MAML2: variants seen among roughly 807,000 people sequenced by gnomAD.
MAML2 encodes mastermind-like protein 2.
Under a neutral mutation model 96.1 loss-of-function variants are expected in MAML2, and 22 were observed. The observed-to-expected ratio is 0.23, with a 90% CI of 0.16 to 0.33. MAML2 has a LOEUF of 0.33. MAML2 is among the 10% of genes least tolerant of loss of function. The pLI is 1.00. For synonymous variants in MAML2, 561 were observed against 521.3 expected (o/e 1.08, Z -1.04); for missense variants, 1,367 against 1,392.4 (o/e 0.98, Z 0.29).
At chr11:96,019,898 G>A (rs1858410725) in intron 2 of MAML2, among the ~76,000 whole-genome samples, 1 of 152,086 alleles carries the variant, frequency 6.6e-6, no homozygotes, top group African/African-American at 2.4e-5. Context: ...TAGTTTATAC[G>A]TTTTTCTCCA....
intron 1 of MAML2, among the ~76,000 whole-genome samples, chr11:96,296,873 C>T (rs910542622): frequency 6.6e-6 from 1 of 152,158 alleles, no homozygotes; most frequent in Non-Finnish European, 1.5e-5. Context: ...ATGTCATATC[C>T]ACTTCACAGA....
intron 2 of MAML2, among the ~76,000 whole-genome samples, chr11:95,992,912 A>G (rs1857935019): frequency 2.0e-5 from 3 of 151,350 alleles, no homozygotes. Flanking sequence ...ACAGAGTCTC[A>G]CTCTATTACC....
At chr11:96,055,649 C>T (rs988917196) in intron 2 of MAML2, among the ~76,000 whole-genome samples, 1 of 152,150 alleles carries the variant, frequency 6.6e-6, no homozygotes, top group East Asian at 1.9e-4. Flanking sequence ...GGCCCCCATC[C>T]TTTTGTGTCA....
intron 1 of MAML2, among the ~76,000 whole-genome samples, chr11:96,293,960 A>G (rs184510427): frequency 6.6e-6 from 1 of 152,252 alleles, no homozygotes; most frequent in Non-Finnish European, 1.5e-5. Context: ...TTGGCTGTTC[A>G]GGCCAGAGCT....
chr11:96,093,401 C>T lies in MAML2; in HGVS notation c.630G>A (p.Glu210=), dbSNP rs767019900. 1.2e-6 allele frequency: 2 copies of T among 1,613,910 alleles called. No individual in the cohort carries two copies. The highest frequency in any genetic ancestry group is 4.5e-5 in the East Asian group (2 of 44,900). ...FLDIKRIRVG[E]NLSAGQGGLQ... The stretch of plus-strand genomic sequence containing the variant: ...GGCCACCTTGTCCTGCAGAGAGATT[C>T]TCCCCAACACGAATTCTTTTGATAT... The change falls in exon 2 of 5, where the codon GAG becomes GAA. Residue 210 remains glutamate, a synonymous_variant. Transcript: ENST00000524717.
intron 1 of MAML2, among the ~76,000 whole-genome samples, chr11:96,164,215 T>G (rs1402128657): frequency 2.0e-5 from 3 of 152,154 alleles, no homozygotes; most frequent in Non-Finnish European, 4.4e-5. Flanking sequence ...AGGAAACAGA[T>G]GAAAGAGCAT....
At chr11:96,053,557 T>C (rs1011096118) in intron 2 of MAML2, among the ~76,000 whole-genome samples, 3 of 151,870 alleles carry the variant, frequency 2.0e-5, no homozygotes, top group Middle Eastern at 3.2e-3. Flanking sequence ...AATATGTCCT[T>C]TGGGACGGGA....
intron 2 of MAML2, among the ~76,000 whole-genome samples, chr11:95,999,104 ACTG>A (rs1270414167): frequency 6.6e-6 from 1 of 152,116 alleles, no homozygotes; most frequent in Non-Finnish European, 1.5e-5. Flanking sequence ...AACAAACCTC[ACTG>A]TCCCAGCCTT....
At chr11:96,313,489 C>T (rs920198010) in intron 1 of MAML2, among the ~76,000 whole-genome samples, 4 of 152,174 alleles carry the variant, frequency 2.6e-5, no homozygotes, top group Non-Finnish European at 4.4e-5. Context: ...TTCTTGGTCA[C>T]ACAGTCTTCA....
intron 1 of MAML2, among the ~76,000 whole-genome samples, chr11:96,324,829 G>A (rs1403180742): frequency 6.6e-6 from 1 of 152,204 alleles, no homozygotes; most frequent in Non-Finnish European, 1.5e-5. Context: ...CTTGGTGGCA[G>A]AGAAGAGTCT....
At chr11:96,168,824 A>G (rs1364112523) in intron 1 of MAML2, among the ~76,000 whole-genome samples, 1 of 152,184 alleles carries the variant, frequency 6.6e-6, no homozygotes, top group Non-Finnish European at 1.5e-5. Flanking sequence ...AGCTACAAAC[A>G]CATGAGTCAT....
At chr11:95,980,807 C>T (rs1435901294) in intron 4 of MAML2, among the ~76,000 whole-genome samples, 2 of 152,132 alleles carry the variant, frequency 1.3e-5, no homozygotes, top group Non-Finnish European at 2.9e-5. Context: ...AAGTGCCTGC[C>T]AGTTAAACTG....
chr11:96,270,066 T>C (rs1202859744), intron 1 of MAML2, among the ~76,000 whole-genome samples: 1 of 144,162 alleles, frequency 6.9e-6, no homozygotes, highest in African/African-American at 2.7e-5. Flanking sequence ...CTTAGATGGC[T>C]AAGACTTGAC....
chr11:96,267,461 AAAC>A (rs1862845549), intron 1 of MAML2, among the ~76,000 whole-genome samples: 1 of 152,220 alleles, frequency 6.6e-6, no homozygotes, highest in African/African-American at 2.4e-5. Flanking sequence ...ACAAAAACAA[AAAC>A]AAAATCAAAA....
At chr11:96,219,355 CT>C (rs1862098274) in intron 1 of MAML2, among the ~76,000 whole-genome samples, 1 of 152,214 alleles carries the variant, frequency 6.6e-6, no homozygotes, top group South Asian at 2.1e-4. Flanking sequence ...TTCAAGAGGC[CT>C]TCCCAGATCA....
chr11:96,265,414 A>G (rs889588182), intron 1 of MAML2, among the ~76,000 whole-genome samples: 3 of 150,128 alleles, frequency 2.0e-5, no homozygotes, highest in Non-Finnish European at 2.9e-5. Flanking sequence ...AGTCCTGTTC[A>G]AAAGAGAAGG....
At chr11:96,067,150 C>G (rs2135784133) in intron 2 of MAML2, among the ~76,000 whole-genome samples, 1 of 152,324 alleles carries the variant, frequency 6.6e-6, no homozygotes, top group Admixed American at 6.5e-5. Context: ...TGACATATCA[C>G]AAACAACACC....
intron 1 of MAML2, among the ~76,000 whole-genome samples, chr11:96,332,562 A>T (rs1156618591): frequency 6.6e-6 from 1 of 152,216 alleles, no homozygotes; most frequent in African/African-American, 2.4e-5. Context: ...TTCTGTCAGG[A>T]TAGCTCCTCT....
chr11:96,059,730 T>C (rs1359668042), intron 2 of MAML2, among the ~76,000 whole-genome samples: 1 of 152,168 alleles, frequency 6.6e-6, no homozygotes. Flanking sequence ...ACTCAAAAAG[T>C]TTGAGATCTT....
Sources: gnomAD v4.1 joint callset for allele counts (sites outside exome capture counted in the v4.1 genomes callset) on GRCh38, gnomAD v4.1.1 for gene constraint, MANE v1.5 for transcripts, NCBI Gene and HGNC (gene_info 2026-07-23, HGNC 2026-07-21) for gene names.